ZNF536: variants seen among roughly 807,000 people sequenced by gnomAD.
ZNF536 encodes the protein zinc finger protein 536.
ZNF536 carries 13 observed loss-of-function variants against 84.5 expected under a neutral mutation model. The ratio of observed to expected loss-of-function variants is 0.15; its 90% CI spans 0.10 to 0.24. The LOEUF (loss-of-function observed/expected upper bound fraction) is 0.24, where lower values mean the gene tolerates loss of function less well. ZNF536 is among the 10% of genes least tolerant of loss of function. ZNF536 has a pLI of 1.00. For missense variants in ZNF536, 1,536 were observed against 1,747.5 expected, an observed-to-expected ratio of 0.88 and a Z score of 2.16; for synonymous variants, 811 against 742.5, an observed-to-expected ratio of 1.09 and a Z score of -1.50.
At chr19:30,647,239 A>T (rs1455463695) in intron 1 of ZNF536, among the ~76,000 whole-genome samples, 2 of 152,172 alleles carry the variant, frequency 1.3e-5, no homozygotes, top group Non-Finnish European at 2.9e-5. Context: ...TGTTTCCAAT[A>T]TCTTCCCCAC....
chr19:30,666,832 G>A (rs568033998), intron 1 of ZNF536, among the ~76,000 whole-genome samples: 15 of 149,170 alleles, frequency 1.0e-4, no homozygotes, highest in East Asian at 9.8e-4. Context: ...GTGTGTGTGT[G>A]TATATATATA....
intron 1 of ZNF536, among the ~76,000 whole-genome samples, chr19:30,402,666 G>C (rs936212657): frequency 5.3e-5 from 8 of 151,526 alleles, no homozygotes; most frequent in African/African-American, 1.9e-4. Context: ...CGCGGCCGAC[G>C]TGGGTTTAAA....
At chr19:30,609,194 A>G (rs982195793) in intron 1 of ZNF536, among the ~76,000 whole-genome samples, 1 of 152,204 alleles carries the variant, frequency 6.6e-6, no homozygotes, top group Non-Finnish European at 1.5e-5. Context: ...GCTCACAAAT[A>G]TTAAAAGAAG....
At position 30,228,738 on chromosome 19, in the gene ZNF536, C is replaced by A. The variant is rs1362824740; in HGVS notation, c.-190+65C>A. The A allele has an allele frequency of 6.6e-6, 1 of 151,080 alleles. No individual in the cohort carries two copies. The highest frequency in any genetic ancestry group is 2.4e-5 in the African/African-American group (1 of 41,274). 9.4% of individuals were successfully genotyped at this position (151,080 alleles called of 1,614,324 possible). A position where few individuals can be genotyped will look rare whatever the true frequency, so the allele number is the denominator to read the frequency against. ...GCGCGCAAAGCCGGGAGCGAGGTGC[C>A]GCGAGCTGCGCGCCGCCCCGGGCCG... On this transcript the variant is annotated intron_variant, in intron 1 of 5. Transcript: ENST00000585628. The surrounding 1 kb of genome is among the most constrained non-coding windows in gnomAD (Gnocchi z 4.5).
rs145633228 is a variant in ZNF536 at position 30,304,050 on chromosome 19, G to C, written c.-120+19909G>C. ...CCTCTCTCCCTGGATGGAGCAGCGT[G>C]GGGGAGTCCCGCTCAGGGTCTTAAG... is the stretch of plus-strand genomic sequence containing the variant. On this transcript the variant is annotated intron_variant, in intron 2 of 5. Transcript: ENST00000585628. Among the ~76,000 whole-genome samples, 49 of 152,280 alleles carry C rather than the reference G, an allele frequency of 3.2e-4. 1 individual carries two copies. The highest frequency in any genetic ancestry group is 1.2e-3 in the African/African-American group (49 of 41,556).
In ZNF536 at chr19:30,541,268, A is replaced by C. The variant is rs553831354; in HGVS notation, c.2323+6269A>C. On this transcript the variant is annotated intron_variant, in intron 3 of 4. Transcript: ENST00000355537. The stretch of plus-strand genomic sequence containing the variant: ...CTAGGCTGTTTTCACACACTGAGTA[A>C]ATATAAAAGCACTTTGCATACATTT... 6.6e-5 allele frequency among the ~76,000 whole-genome samples: 10 copies of C among 152,270 alleles called. No homozygotes were observed. In the South Asian group the frequency reaches 2.1e-3, roughly 32 times the overall value.
intron 2 of ZNF536, among the ~76,000 whole-genome samples, chr19:30,525,172 C>T (rs1386531501): frequency 1.3e-5 from 2 of 152,172 alleles, no homozygotes; most frequent in Non-Finnish European, 2.9e-5. Context: ...TTCCTTCCAC[C>T]TGGATGGAGG....
At chr19:30,249,059 G>A (rs183939729) in intron 1 of ZNF536, among the ~76,000 whole-genome samples, 1 of 152,310 alleles carries the variant, frequency 6.6e-6, no homozygotes, top group East Asian at 1.9e-4. Flanking sequence ...GATCTTAAAG[G>A]ATGCCTGTGG....
intron 1 of ZNF536, among the ~76,000 whole-genome samples, chr19:30,431,015 A>G (rs2051434312): frequency 6.6e-6 from 1 of 152,226 alleles, no homozygotes; most frequent in African/African-American, 2.4e-5. Flanking sequence ...GGTTGAAGCA[A>G]GATGAACTGG....
intron 2 of ZNF536, among the ~76,000 whole-genome samples, chr19:30,325,259 C>T (rs779243326): frequency 6.6e-5 from 10 of 152,164 alleles, no homozygotes; most frequent in Non-Finnish European, 1.5e-4. Context: ...TAGTTAGAGG[C>T]GATTTGCCTG....
chr19:30,433,061 G>T (rs1440509775), intron 1 of ZNF536, among the ~76,000 whole-genome samples: 1 of 152,182 alleles, frequency 6.6e-6, no homozygotes, highest in East Asian at 1.9e-4. Flanking sequence ...TTTCAAGTCT[G>T]CACCAGCCCA....
chr19:30,234,512 C>T (rs1436334130), intron 1 of ZNF536, among the ~76,000 whole-genome samples: 1 of 151,218 alleles, frequency 6.6e-6, no homozygotes, highest in Admixed American at 6.6e-5. Context: ...AGGGGTCCTC[C>T]CGCCTCAGCC....
rs868517234 is a variant in ZNF536 at position 30,667,718 on chromosome 19, A to C, written c.170-43039A>C. On this transcript the variant is annotated intron_variant, in intron 1 of 1. Transcript: ENST00000592773. ...AGACCTACCTGCTCTGGAAGCCCAG[A>C]GCATGTCAGGTTGTCTTGGATATAG... 3.4e-5 allele frequency among the ~76,000 whole-genome samples: 5 copies of C among 148,244 alleles called. No homozygotes were observed. In the South Asian group the frequency reaches 1.1e-3, roughly 32 times the overall value.
chr19:30,408,676 G>A (rs552022922), intron 1 of ZNF536, among the ~76,000 whole-genome samples: 1 of 152,274 alleles, frequency 6.6e-6, no homozygotes, highest in African/African-American at 2.4e-5. Context: ...TCCTTTGGTT[G>A]TTAGTAATTA....
At chr19:30,520,114 C>T (rs1388034117) in intron 2 of ZNF536, among the ~76,000 whole-genome samples, 1 of 152,176 alleles carries the variant, frequency 6.6e-6, no homozygotes, top group Non-Finnish European at 1.5e-5. Context: ...TGTTGAGATT[C>T]TGAGGTCCAA....
At chr19:30,670,445 A>G (rs1366758188) in intron 1 of ZNF536, among the ~76,000 whole-genome samples, 1 of 152,134 alleles carries the variant, frequency 6.6e-6, no homozygotes, top group Admixed American at 6.5e-5. Flanking sequence ...AGATGAGAAA[A>G]TCCATGCCAG....
intron 1 of ZNF536, among the ~76,000 whole-genome samples, chr19:30,242,590 C>T (rs920968815): frequency 9.2e-5 from 14 of 152,196 alleles, no homozygotes; most frequent in Admixed American, 3.9e-4. Flanking sequence ...TCCCTGCCCC[C>T]AAGGGGATTT....
At chr19:30,595,106 A>G (rs1222777297) in intron 1 of ZNF536, among the ~76,000 whole-genome samples, 1 of 152,110 alleles carries the variant, frequency 6.6e-6, no homozygotes, top group South Asian at 2.1e-4. Flanking sequence ...GAGAGGCACA[A>G]TGAAGTTGGG....
At chr19:30,579,584 T>A (rs1190673698) in intron 1 of ZNF536, among the ~76,000 whole-genome samples, 1 of 152,062 alleles carries the variant, frequency 6.6e-6, no homozygotes, top group East Asian at 1.9e-4. Flanking sequence ...AAAGTTACCA[T>A]CAATCATCCC....
Sources: gnomAD v4.1 joint callset for allele counts (sites outside exome capture counted in the v4.1 genomes callset) on GRCh38, gnomAD v4.1.1 for gene constraint, Gnocchi (gnomAD v3.1) non-coding constraint, MANE v1.5 for transcripts, NCBI Gene and HGNC (gene_info 2026-07-23, HGNC 2026-07-21) for gene names.